Variants in CACNA2D3 observed in about 807,000 individuals in gnomAD.
CACNA2D3 encodes the protein voltage-dependent calcium channel subunit alpha-2/delta-3.
In CACNA2D3, 60 loss-of-function variants were observed where a neutral mutation model predicts 160.6. The observed-to-expected ratio is 0.37, with a 90% CI of 0.30 to 0.46. The LOEUF (loss-of-function observed/expected upper bound fraction) is 0.46, where lower values mean the gene tolerates loss of function less well. CACNA2D3 is among the 20% of genes least tolerant of loss of function. The pLI is 1.00. For synonymous variants in CACNA2D3, 558 were observed against 492.9 expected, an observed-to-expected ratio of 1.13 and a Z score of -1.75; for missense variants, 1,205 against 1,365.0, an observed-to-expected ratio of 0.88 and a Z score of 1.85.
chr3:54,312,769 A>G (rs920374398), intron 2 of CACNA2D3, among the ~76,000 whole-genome samples: 7 of 152,174 alleles, frequency 4.6e-5, no homozygotes, highest in Non-Finnish European at 8.8e-5. Context: ...CTCTTTTGTG[A>G]CAGAGAGAAT....
intron 13 of CACNA2D3, chr3:54,789,876 T>A: frequency 1.9e-6 from 1 of 517,620 alleles, no homozygotes; most frequent in Non-Finnish European, 3.9e-6. Flanking sequence ...CCGAGCAAGT[T>A]AAGGTGACAC....
chr3:54,888,554 CTTA>C (rs2106860850), intron 24 of CACNA2D3, among the ~76,000 whole-genome samples: 1 of 152,216 alleles, frequency 6.6e-6, no homozygotes, highest in East Asian at 1.9e-4. Flanking sequence ...GCTTTAGCAG[CTTA>C]TTATTATTTC....
intron 35 of CACNA2D3, among the ~76,000 whole-genome samples, chr3:55,032,151 A>G (rs1703701183): frequency 6.6e-6 from 1 of 152,162 alleles, no homozygotes; most frequent in African/African-American, 2.4e-5. Context: ...GGCTCAGAGG[A>G]GTAAACTCTC....
intron 2 of CACNA2D3, among the ~76,000 whole-genome samples, chr3:54,271,505 A>C (rs189670897): frequency 5.3e-4 from 81 of 152,360 alleles, no homozygotes; most frequent in Middle Eastern, 3.4e-3. Context: ...TTGGCCAAAA[A>C]GACATCTATA....
intron 8 of CACNA2D3, among the ~76,000 whole-genome samples, chr3:54,570,686 A>C (rs1052270671): frequency 2.0e-5 from 3 of 151,980 alleles, no homozygotes; most frequent in African/African-American, 4.8e-5. Context: ...TCTAGGAGGT[A>C]GGGGGTGGTT....
chr3:54,640,153 C>T (rs919166848), intron 10 of CACNA2D3, among the ~76,000 whole-genome samples: 5 of 152,174 alleles, frequency 3.3e-5, no homozygotes, highest in African/African-American at 9.7e-5. Flanking sequence ...TGGGCGTGTA[C>T]GTGCATGTCA....
At chr3:54,824,384 G>C (rs1030831874) in intron 14 of CACNA2D3, among the ~76,000 whole-genome samples, 1 of 152,174 alleles carries the variant, frequency 6.6e-6, no homozygotes, top group Non-Finnish European at 1.5e-5. Context: ...TCACACCTCT[G>C]GTTGGGGGAA....
intron 2 of CACNA2D3, among the ~76,000 whole-genome samples, chr3:54,241,970 C>G (rs912844650): frequency 1.3e-5 from 2 of 152,198 alleles, no homozygotes; most frequent in African/African-American, 4.8e-5. Flanking sequence ...CCTCTTTATC[C>G]AAAGGGAATA....
At chr3:54,486,084 A>AGT (rs1701012027) in intron 4 of CACNA2D3, among the ~76,000 whole-genome samples, 2 of 152,224 alleles carry the variant, frequency 1.3e-5, no homozygotes. Flanking sequence ...GCTGTGAGTG[A>AGT]GTAGTTCTCT....
chr3:54,787,045 A>G (rs1702655235), intron 13 of CACNA2D3, among the ~76,000 whole-genome samples: 1 of 152,206 alleles, frequency 6.6e-6, no homozygotes, highest in Non-Finnish European at 1.5e-5. Context: ...AAAGATGAAA[A>G]CGATCAAATT....
intron 18 of CACNA2D3, chr3:54,874,793 C>T (rs1187178963): frequency 6.6e-6 from 1 of 152,224 alleles, no homozygotes; most frequent in African/African-American, 2.4e-5. Context: ...GGAGAGAGCC[C>T]TTAAGTCCTT....
At chr3:54,727,131 A>G (rs1218045271) in intron 11 of CACNA2D3, among the ~76,000 whole-genome samples, 1 of 152,268 alleles carries the variant, frequency 6.6e-6, no homozygotes, top group African/African-American at 2.4e-5. Flanking sequence ...GAAGACATTT[A>G]TGCAGCCAAC....
intron 27 of CACNA2D3, among the ~76,000 whole-genome samples, chr3:54,926,661 G>T (rs547100692): frequency 6.6e-6 from 1 of 152,158 alleles, no homozygotes. Context: ...ACATGGATAC[G>T]TGGAAAGCTA....
chr3:54,204,221 A>G (rs886783422), intron 2 of CACNA2D3, among the ~76,000 whole-genome samples: 1 of 152,086 alleles, frequency 6.6e-6, no homozygotes, highest in Admixed American at 6.5e-5. Context: ...AGATTGTGGG[A>G]CTGCTCAGCC....
At chr3:54,216,370 G>A (rs937409385) in intron 2 of CACNA2D3, among the ~76,000 whole-genome samples, 3 of 152,146 alleles carry the variant, frequency 2.0e-5, no homozygotes, top group Non-Finnish European at 4.4e-5. Flanking sequence ...AAGTATTCCA[G>A]GTATATGTGT....
intron 4 of CACNA2D3, among the ~76,000 whole-genome samples, chr3:54,433,983 G>A (rs570996903): frequency 2.6e-5 from 4 of 152,312 alleles, no homozygotes; most frequent in South Asian, 4.1e-4. Context: ...TGGTGTCAGC[G>A]GAAATGAGCA....
chr3:54,658,792 C>A (rs374561317), intron 11 of CACNA2D3, among the ~76,000 whole-genome samples: 1 of 152,172 alleles, frequency 6.6e-6, no homozygotes, highest in East Asian at 1.9e-4. Context: ...CCTCCACTCA[C>A]TCCCCGCTCA....
chr3:54,641,570 A>G (rs1445898075), intron 10 of CACNA2D3, among the ~76,000 whole-genome samples: 1 of 152,222 alleles, frequency 6.6e-6, no homozygotes, highest in African/African-American at 2.4e-5. Flanking sequence ...GCGAATGCAA[A>G]TATCCCCCAC....
chr3:54,741,710 A>G (rs975530380), intron 11 of CACNA2D3, among the ~76,000 whole-genome samples: 1 of 152,108 alleles, frequency 6.6e-6, no homozygotes, highest in Admixed American at 6.5e-5. Context: ...TTGGTGGTCC[A>G]CTGGACAATT....
Sources: gnomAD v4.1 joint callset for allele counts (sites outside exome capture counted in the v4.1 genomes callset) on GRCh38, gnomAD v4.1.1 for gene constraint, MANE v1.5 for transcripts, NCBI Gene and HGNC (gene_info 2026-07-23, HGNC 2026-07-21) for gene names.